Variants in FSTL5 observed in about 807,000 individuals in gnomAD.
The protein encoded by FSTL5 is follistatin like 5, also known as follistatin-related protein 5.
A neutral mutation model predicts 89.1 loss-of-function variants in FSTL5; 62 were observed. That is an observed-to-expected ratio of 0.70 (90% CI 0.57 to 0.86). The LOEUF (loss-of-function observed/expected upper bound fraction) is 0.86, where lower values mean the gene tolerates loss of function less well. Among genes scored for constraint, FSTL5 ranks in the 40% least tolerant of loss-of-function variants. FSTL5 has a pLI of 0.00. For missense variants in FSTL5, 1,057 were observed against 1,001.6 expected, an observed-to-expected ratio of 1.06 and a Z score of -0.75; for synonymous variants, 383 against 346.2, an observed-to-expected ratio of 1.11 and a Z score of -1.18.
At chr4:161,581,277 G>T (rs990001742) in intron 8 of FSTL5, among the ~76,000 whole-genome samples, 14 of 152,114 alleles carry the variant, frequency 9.2e-5, no homozygotes, top group Non-Finnish European at 1.9e-4. Context: ...AAAACATGTC[G>T]CTGTTGCTCC....
intron 7 of FSTL5, among the ~76,000 whole-genome samples, chr4:161,637,412 T>C (rs1478438269): frequency 1.4e-5 from 2 of 142,872 alleles, no homozygotes; most frequent in Admixed American, 7.1e-5. Context: ...ATTTTGTAGG[T>C]TGCCTGTTCA....
chr4:161,509,074 G>A (rs923995207), intron 11 of FSTL5, among the ~76,000 whole-genome samples: 3 of 152,070 alleles, frequency 2.0e-5, no homozygotes, highest in African/African-American at 7.2e-5. Flanking sequence ...AGGCTGAGGC[G>A]GGCAGATCAC....
chr4:161,593,247 A>G (rs1733892607), intron 7 of FSTL5, among the ~76,000 whole-genome samples: 1 of 152,074 alleles, frequency 6.6e-6, no homozygotes, highest in African/African-American at 2.4e-5. Flanking sequence ...TGATTTTTTT[A>G]AAAATATTTA....
intron 3 of FSTL5, among the ~76,000 whole-genome samples, chr4:161,941,458 T>C (rs1734583556): frequency 6.6e-6 from 1 of 151,910 alleles, no homozygotes; most frequent in African/African-American, 2.4e-5. Context: ...GAAAACATTC[T>C]GTGTAAGTAA....
chr4:161,818,948 T>G (rs1730412338), intron 4 of FSTL5, among the ~76,000 whole-genome samples: 1 of 152,126 alleles, frequency 6.6e-6, no homozygotes, highest in Non-Finnish European at 1.5e-5. Context: ...AAAACCATCT[T>G]AAGTAATAAC....
At chr4:161,621,694 C>T (rs1397879101) in intron 7 of FSTL5, among the ~76,000 whole-genome samples, 1 of 151,950 alleles carries the variant, frequency 6.6e-6, no homozygotes, top group African/African-American at 2.4e-5. Context: ...TTACCAATAT[C>T]AGGCCAGGCG....
At chr4:161,652,598 AAG>A (rs1736378722) in intron 7 of FSTL5, among the ~76,000 whole-genome samples, 1 of 152,204 alleles carries the variant, frequency 6.6e-6, no homozygotes, top group Non-Finnish European at 1.5e-5. Flanking sequence ...AATGCATGAA[AAG>A]AGTACATGTA....
intron 3 of FSTL5, among the ~76,000 whole-genome samples, chr4:162,020,913 C>G (rs1355751599): frequency 2.0e-5 from 3 of 151,828 alleles, no homozygotes; most frequent in Non-Finnish European, 4.4e-5. Context: ...ATGAAAGGTC[C>G]TTTCATGTTT....
At chr4:162,079,370 A>G (rs1168956404) in intron 2 of FSTL5, among the ~76,000 whole-genome samples, 1 of 151,662 alleles carries the variant, frequency 6.6e-6, no homozygotes, top group East Asian at 1.9e-4. Context: ...AGGGAAGAGG[A>G]AAGTATGGAA....
At chr4:161,389,626 C>A (rs923943617) in intron 15 of FSTL5, among the ~76,000 whole-genome samples, 7 of 152,106 alleles carry the variant, frequency 4.6e-5, no homozygotes, top group Non-Finnish European at 1.0e-4. Context: ...AAATAATAGA[C>A]CTTACATAAA....
chr4:161,920,774 T>C, intron 3 of FSTL5, 122 bp from the exon 4 acceptor site: 1 of 906,256 alleles, frequency 1.1e-6, no homozygotes, highest in South Asian at 1.8e-5. Context: ...TATTCAGGGC[T>C]CAATTTTCAG....
At chr4:162,012,230 C>CAA (rs1293167240) in intron 3 of FSTL5, among the ~76,000 whole-genome samples, 4 of 152,130 alleles carry the variant, frequency 2.6e-5, no homozygotes, top group Non-Finnish European at 4.4e-5. Flanking sequence ...GACATAAAGT[C>CAA]AAATGTCACC....
chr4:161,545,605 T>A (rs1731976787), intron 8 of FSTL5, among the ~76,000 whole-genome samples: 1 of 151,940 alleles, frequency 6.6e-6, no homozygotes. Context: ...CAGCCTCAAC[T>A]AAAGTAAATG....
At chr4:162,011,689 G>A (rs1427774993) in intron 3 of FSTL5, among the ~76,000 whole-genome samples, 1 of 152,072 alleles carries the variant, frequency 6.6e-6, no homozygotes, top group Non-Finnish European at 1.5e-5. Context: ...TAGAGACGGG[G>A]TTTCACCATG....
At chr4:161,800,658 T>G (rs542462008) in intron 4 of FSTL5, among the ~76,000 whole-genome samples, 1 of 151,674 alleles carries the variant, frequency 6.6e-6, no homozygotes, top group South Asian at 2.1e-4. Context: ...CCCTTCTAAG[T>G]GACTGAAACG....
intron 8 of FSTL5, among the ~76,000 whole-genome samples, chr4:161,567,969 A>C (rs1187325868): frequency 2.0e-5 from 3 of 151,910 alleles, no homozygotes; most frequent in Non-Finnish European, 4.4e-5. Context: ...AGCACATGGA[A>C]CTCATCCTTT....
chr4:161,601,629 C>G (rs765354799), intron 7 of FSTL5, among the ~76,000 whole-genome samples: 4 of 152,078 alleles, frequency 2.6e-5, no homozygotes, highest in Non-Finnish European at 5.9e-5. Flanking sequence ...GGTAGAGGGA[C>G]AAGAGCATAA....
At chr4:162,003,217 T>C (rs1023715011) in intron 3 of FSTL5, among the ~76,000 whole-genome samples, 5 of 152,024 alleles carry the variant, frequency 3.3e-5, no homozygotes, top group African/African-American at 1.2e-4. Flanking sequence ...TCATAGTTTC[T>C]GACTAGAATA....
At chr4:161,715,570 T>C (rs1379454715) in intron 6 of FSTL5, among the ~76,000 whole-genome samples, 1 of 152,150 alleles carries the variant, frequency 6.6e-6, no homozygotes, top group African/African-American at 2.4e-5. Context: ...TCCTGTTCCA[T>C]GGTTTATCAC....
Sources: gnomAD v4.1 joint callset for allele counts (sites outside exome capture counted in the v4.1 genomes callset) on GRCh38, gnomAD v4.1.1 for gene constraint, MANE v1.5 for transcripts, NCBI Gene and HGNC (gene_info 2026-07-23, HGNC 2026-07-21) for gene names.